Variants in HSPA12A observed in about 807,000 individuals in gnomAD.
HSPA12A encodes heat shock protein family A (Hsp70) member 12A, also known as heat shock 70 kDa protein 12A.
HSPA12A carries 28 observed loss-of-function variants against 69.2 expected under a neutral mutation model. The ratio of observed to expected loss-of-function variants is 0.40; its 90% CI spans 0.30 to 0.55. HSPA12A has a LOEUF of 0.55. HSPA12A is among the 20% of genes least tolerant of loss of function. The pLI, the probability that HSPA12A is intolerant of heterozygous loss-of-function variation, is 0.38. For synonymous variants in HSPA12A, 345 were observed against 370.5 expected (o/e 0.93, Z 0.79); for missense variants, 686 against 900.7 (o/e 0.76, Z 3.05).
chr10:116,841,234 G>A (rs1268772300), intron 1 of HSPA12A, among the ~76,000 whole-genome samples: 2 of 152,196 alleles, frequency 1.3e-5, no homozygotes, highest in Admixed American at 6.5e-5. Flanking sequence ...AACTGTAGCA[G>A]TTAAAATTGT....
rs377500376 is a variant in HSPA12A, at chr10:116,700,937, G to T, written c.441+6C>A. 5.0e-6 allele frequency: 8 copies of T among 1,612,446 alleles called. No individual in the cohort carries two copies. Among genetic ancestry groups the T allele is most frequent in the Admixed American group, 1.7e-5 (1 of 59,968 alleles). On this transcript the variant is annotated splice_donor_region_variant and intron_variant, in intron 4 of 11. Coordinates refer to ENST00000369209, the MANE Select transcript of HSPA12A (RefSeq NM_025015.3). ...GGACCTGGGCCCAGGGGAGAGGCTT[G>T]CTCACCCCAGTGGTGTGCAGCTTCA...
intron 2 of HSPA12A, among the ~76,000 whole-genome samples, chr10:116,815,108 T>C (rs1845271237): frequency 2.0e-5 from 3 of 152,264 alleles, no homozygotes; most frequent in Non-Finnish European, 2.9e-5. Flanking sequence ...CATTTTTTTT[T>C]TTAATTAGCA....
At chr10:116,813,315 G>A (rs1003305689) in intron 2 of HSPA12A, among the ~76,000 whole-genome samples, 14 of 143,354 alleles carry the variant, frequency 9.8e-5, no homozygotes, top group South Asian at 4.5e-4. Flanking sequence ...GCGCGATCTC[G>A]GCTCACTGCA....
rs1182808229 is a variant in HSPA12A at position 116,671,440 on chromosome 10, T to G, written c.*3341A>C. Reference sequence around the variant, plus strand: ...CCGTTTCCCAGCATACATATGCAGCTTAATCACAGCTATACATCTCTACAA... The same window carrying G: ...CCGTTTCCCAGCATACATATGCAGCGTAATCACAGCTATACATCTCTACAA... On this transcript the variant is annotated 3_prime_UTR_variant, in exon 12 of 12. Transcript: ENST00000369209. 6.6e-6 allele frequency: 1 copy of G among 152,268 alleles called. No individual in the cohort carries two copies. Among genetic ancestry groups the G allele is most frequent in the African/African-American group, 2.4e-5 (1 of 41,458 alleles). The allele number at this position is 152,268 out of a possible 1,614,324, so 9.4% of individuals were successfully genotyped here. A position where few individuals can be genotyped will look rare whatever the true frequency, so the allele number is the denominator to read the frequency against.
intron 10 of HSPA12A, among the ~76,000 whole-genome samples, chr10:116,677,119 C>T (rs1343939140): frequency 6.6e-6 from 1 of 152,202 alleles, no homozygotes; most frequent in Non-Finnish European, 1.5e-5. Flanking sequence ...CAAGCCCAGT[C>T]TCCACGTCTG....
chr10:116,690,801 C>CTT (rs111936724), intron 6 of HSPA12A, among the ~76,000 whole-genome samples: 3 of 148,436 alleles, frequency 2.0e-5, no homozygotes, highest in African/African-American at 7.4e-5. Context: ...CTGCACCTCT[C>CTT]TTTTTTTTTT....
rs571468213 is a variant in HSPA12A, at chr10:116,674,630, T to C, written c.*151A>G. ...ACTCCAGTGTGCCCTCAAAAGTCAC[T>C]AATTATTTCTAGCCCTGATTGTTCT... is the stretch of plus-strand genomic sequence containing the variant. On this transcript the variant is annotated 3_prime_UTR_variant, in exon 12 of 12. Coordinates refer to ENST00000369209, the MANE Select transcript of HSPA12A (RefSeq NM_025015.3). 1.3e-6 allele frequency: 1 copy of C among 751,904 alleles called. No individual in the cohort carries two copies. The highest frequency in any genetic ancestry group is 1.9e-5 in the South Asian group (1 of 52,916). 46.6% of individuals were successfully genotyped at this position (751,904 alleles called of 1,614,324 possible).
At chr10:116,717,965 A>G (rs2133016343) in intron 1 of HSPA12A, among the ~76,000 whole-genome samples, 1 of 152,248 alleles carries the variant, frequency 6.6e-6, no homozygotes, top group African/African-American at 2.4e-5. Flanking sequence ...ACCCCAGGGA[A>G]CTTTCAGAAT....
At chr10:116,799,143 G>A (rs942568319) in intron 2 of HSPA12A, among the ~76,000 whole-genome samples, 1 of 152,132 alleles carries the variant, frequency 6.6e-6, no homozygotes, top group Non-Finnish European at 1.5e-5. Context: ...GGACATGGAT[G>A]TGACTGGCTT....
chr10:116,687,099 G>A (rs192402057), intron 6 of HSPA12A, among the ~76,000 whole-genome samples: 38 of 152,234 alleles, frequency 2.5e-4, no homozygotes, highest in African/African-American at 8.4e-4. Context: ...ACTGTCCCCC[G>A]CCCAGGACAC....
At chr10:116,842,826 C>T (rs1336687507) in intron 1 of HSPA12A, among the ~76,000 whole-genome samples, 2 of 152,170 alleles carry the variant, frequency 1.3e-5, no homozygotes, top group Admixed American at 1.3e-4. Flanking sequence ...TGGTTTTGAA[C>T]TCCCGATCCA....
chr10:116,713,453 C>T (rs1850508721), intron 1 of HSPA12A, among the ~76,000 whole-genome samples: 1 of 152,172 alleles, frequency 6.6e-6, no homozygotes, highest in African/African-American at 2.4e-5. Flanking sequence ...TTTACCATGG[C>T]AGAGACAGTA....
At chr10:116,762,624 C>T (rs782368120) in intron 2 of HSPA12A, among the ~76,000 whole-genome samples, 1 of 152,290 alleles carries the variant, frequency 6.6e-6, no homozygotes, top group Middle Eastern at 3.4e-3. Context: ...CGCTCTGTCA[C>T]CCAGACTGGA....
chr10:116,687,227 C>T (rs1254296202), intron 6 of HSPA12A, among the ~76,000 whole-genome samples: 2 of 152,194 alleles, frequency 1.3e-5, no homozygotes, highest in Non-Finnish European at 2.9e-5. Context: ...AGCTCCACAG[C>T]AAAAGCTTTG....
chr10:116,704,366 A>T (rs1240957594), intron 3 of HSPA12A, among the ~76,000 whole-genome samples: 5 of 149,044 alleles, frequency 3.4e-5, no homozygotes, highest in African/African-American at 7.5e-5. Flanking sequence ...AAGGACAAAA[A>T]ACCAAACACC....
chr10:116,848,732 A>T (rs1845954884), intron 1 of HSPA12A, among the ~76,000 whole-genome samples: 1 of 134,858 alleles, frequency 7.4e-6, no homozygotes, highest in Non-Finnish European at 1.6e-5. Context: ...CTGGAGAGGG[A>T]ACGTGAGCCA....
intron 5 of HSPA12A, among the ~76,000 whole-genome samples, chr10:116,695,538 C>T (rs563058650): frequency 3.3e-5 from 5 of 152,116 alleles, no homozygotes; most frequent in African/African-American, 7.2e-5. Context: ...AAAAATTGGC[C>T]GGGCGCGGTG....
intron 7 of HSPA12A, among the ~76,000 whole-genome samples, chr10:116,683,210 G>A (rs556118172): frequency 3.9e-5 from 6 of 152,112 alleles, no homozygotes; most frequent in Middle Eastern, 3.4e-3. Context: ...CAAGTTCTGT[G>A]ACCAAGGCTA....
chr10:116,774,301 G>A (rs191996160), intron 2 of HSPA12A, among the ~76,000 whole-genome samples: 4 of 152,178 alleles, frequency 2.6e-5, no homozygotes, highest in East Asian at 3.9e-4. Flanking sequence ...GAGCCACCGC[G>A]CCCGGCCGGC....
Sources: gnomAD v4.1 joint callset for allele counts (sites outside exome capture counted in the v4.1 genomes callset) on GRCh38, gnomAD v4.1.1 for gene constraint, MANE v1.5 for transcripts, NCBI Gene and HGNC (gene_info 2026-07-23, HGNC 2026-07-21) for gene names.